SIN3B: variants seen among roughly 807,000 people sequenced by gnomAD.
SIN3B encodes the protein SIN3 transcription regulator family member B.
A neutral mutation model predicts 120.2 loss-of-function variants in SIN3B; 19 were observed. The observed-to-expected ratio is 0.16, with a 90% CI of 0.11 to 0.23. The LOEUF is 0.23. Ranked by LOEUF, SIN3B falls within the 10% of genes least tolerant of loss-of-function variation. The pLI, the probability that SIN3B is intolerant of heterozygous loss-of-function variation, is 1.00. For synonymous variants in SIN3B, 654 were observed against 653.2 expected (o/e 1.00, Z -0.02); for missense variants, 1,073 against 1,573.0 (o/e 0.68, Z 5.38).
chr19:16,865,699 C>A, intron 11 of SIN3B, 51 bp downstream of exon 11: 1 of 936,266 alleles, frequency 1.1e-6, no homozygotes, highest in Non-Finnish European at 1.6e-6. Context: ...CCCCTTCCCT[C>A]CCCTCCCCTC....
intron 3 of SIN3B, among the ~76,000 whole-genome samples, chr19:16,832,014 T>C (rs1599585375): frequency 6.6e-6 from 1 of 152,154 alleles, no homozygotes; most frequent in East Asian, 1.9e-4. Flanking sequence ...AAGCATGTCC[T>C]CGTCTGCCTC....
rs536926619 is a variant in SIN3B at position 16,870,087 on chromosome 19, AAG to A, written c.2422+13_2422+14del. The A allele has an allele frequency of 1.9e-3, 2,967 of 1,573,748 alleles. 1 individual carries two copies. Among genetic ancestry groups the A allele is most frequent in the Non-Finnish European group, 2.2e-3 (2,598 of 1,158,432 alleles). ...GCTGAAGCAGCCCAGTAAGGCTCCA[AAG>A]CCTGCCGGGAGGCCCCGGGGGGTGC... On this transcript the variant is annotated intron_variant, in intron 13 of 18. Transcript: ENST00000248054.
intron 8 of SIN3B, among the ~76,000 whole-genome samples, chr19:16,856,395 C>T (rs1009133498): frequency 6.6e-6 from 1 of 152,084 alleles, no homozygotes; most frequent in African/African-American, 2.4e-5. Flanking sequence ...AGTAAATGTA[C>T]CGACCTATGT....
Position 16,878,758 on chromosome 19 carries a change from C to A in SIN3B, c.*31C>A. 1.3e-6 allele frequency: 2 copies of A among 1,547,310 alleles called. No homozygotes were observed. ...CCTCATGGGCACCGGGCAGGCGCCTCACAGAGCACAGACGTGCCCTCGGCC... is the reference window on the plus strand; with the variant it reads ...CCTCATGGGCACCGGGCAGGCGCCTAACAGAGCACAGACGTGCCCTCGGCC... On this transcript the variant is annotated 3_prime_UTR_variant, in exon 19 of 19. Coordinates refer to ENST00000248054, the MANE Select transcript of SIN3B (RefSeq NM_001297595.2).
chr19:16,831,479 C>T lies in SIN3B; in HGVS notation c.228-15C>T, dbSNP rs558546247. 5.1e-5 allele frequency: 82 copies of T among 1,611,220 alleles called. 1 individual carries two copies. The South Asian group carries it at 7.8e-4, about 15-fold the overall frequency. ...TTCCCAAGACCCTTTTGCCCACTTC[C>T]GTTGTTTCTTCTAGCATCGATACTC... On this transcript the variant is annotated splice_polypyrimidine_tract_variant and intron_variant, in intron 2 of 18. Coordinates refer to ENST00000248054, the MANE Select transcript of SIN3B (RefSeq NM_001297595.2).
intron 3 of SIN3B, among the ~76,000 whole-genome samples, chr19:16,840,809 G>A (rs1971407795): frequency 6.6e-6 from 1 of 152,202 alleles, no homozygotes; most frequent in African/African-American, 2.4e-5. Context: ...CACCCTCGTG[G>A]AGTTCGCCAT....
chr19:16,840,440 TGGCCTCCA>T (rs1246307965), intron 3 of SIN3B, among the ~76,000 whole-genome samples: 5 of 152,236 alleles, frequency 3.3e-5, no homozygotes, highest in Non-Finnish European at 7.3e-5. Context: ...CTTGGCCTCC[TGGCCTCCA>T]GGCCTCCAGA....
At chr19:16,875,373 TTGGTC>T (rs2051580521) in intron 14 of SIN3B, among the ~76,000 whole-genome samples, 2 of 131,814 alleles carry the variant, frequency 1.5e-5, no homozygotes, top group African/African-American at 3.0e-5. Context: ...CTGGTCTGGT[TTGGTC>T]TGGTCTGGTC....
intron 3 of SIN3B, among the ~76,000 whole-genome samples, chr19:16,834,898 ATTCT>A (rs941356000): frequency 1.2e-4 from 18 of 149,916 alleles, no homozygotes; most frequent in South Asian, 2.1e-4. Flanking sequence ...CCCTGGTGAT[ATTCT>A]TTCTTTCTTT....
chr19:16,867,174 G>A (rs975528711), intron 12 of SIN3B, among the ~76,000 whole-genome samples: 10 of 152,198 alleles, frequency 6.6e-5, no homozygotes, highest in African/African-American at 2.4e-4. Flanking sequence ...AGGCACCGGT[G>A]TTAGCAACAC....
Position 16,876,314 on chromosome 19 carries a change from C to T in SIN3B, c.2766+86C>T. 1 of 1,490,772 alleles carries T rather than the reference C, an allele frequency of 6.7e-7. No homozygotes were observed. The highest frequency in any genetic ancestry group is 2.3e-5 in the East Asian group (1 of 43,518). 92.3% of individuals were successfully genotyped at this position (1,490,772 alleles called of 1,614,324 possible). A position where few individuals can be genotyped will look rare whatever the true frequency, so the allele number is the denominator to read the frequency against. ...ACTCAGTCCTGGGTGGACCCTGGTTCAGCGGCTGGGACACCGGCCCTGCTG... is the reference window on the plus strand; with the variant it reads ...ACTCAGTCCTGGGTGGACCCTGGTTTAGCGGCTGGGACACCGGCCCTGCTG... On this transcript the variant is annotated intron_variant, in intron 15 of 18. Coordinates refer to ENST00000248054, the MANE Select transcript of SIN3B (RefSeq NM_001297595.2). This position sits in a 1 kb window ranked among gnomAD's most constrained non-coding sequence, Gnocchi z 7.1.
Position 16,853,112 on chromosome 19 carries a change from C to T in SIN3B, c.893C>T (p.Ala298Val). The change falls in exon 7 of 19, where the codon GCA (alanine) becomes GTA (valine). Residue 298 changes from alanine (A) to valine (V), a missense_variant. This residue lies in a region of SIN3B where 395 missense variants were observed against 528.0 expected (regional missense o/e 0.75). Coordinates refer to ENST00000248054, the MANE Select transcript of SIN3B (RefSeq NM_001297595.2). The part of the protein sequence containing the change: ...LRGTKDLSIA[A>V]VGKYGTLQEF... ...GGTACCAAAGACCTGTCCATCGCTG[C>T]AGTGGGGAAGTACGGGACTCTGCAG... 1.2e-6 allele frequency: 2 copies of T among 1,614,234 alleles called. No individual in the cohort carries two copies. The highest frequency in any genetic ancestry group is 1.7e-6 in the Non-Finnish European group (2 of 1,180,038).
At chr19:16,865,678 C>A (rs1315363761) in intron 11 of SIN3B, 30 bp downstream of exon 11, 1 of 1,432,938 alleles carries the variant, frequency 7.0e-7, no homozygotes, top group Non-Finnish European at 9.6e-7. Flanking sequence ...CTTCCCTTCC[C>A]CTTCCCCTTC....
intron 14 of SIN3B, among the ~76,000 whole-genome samples, chr19:16,873,226 G>A (rs1212960425): frequency 2.0e-5 from 3 of 152,114 alleles, no homozygotes; most frequent in South Asian, 2.1e-4. Flanking sequence ...AGCTATCCAC[G>A]GTGTTTGCGC....
At chr19:16,874,542 C>CTGGTT (rs1365502085) in intron 14 of SIN3B, among the ~76,000 whole-genome samples, 1 of 147,150 alleles carries the variant, frequency 6.8e-6, no homozygotes, top group Non-Finnish European at 1.5e-5. Context: ...CTGGTCTGGT[C>CTGGTT]TGGTTTGGTT....
chr19:16,874,081 G>C (rs1339812750), intron 14 of SIN3B, among the ~76,000 whole-genome samples: 1 of 152,222 alleles, frequency 6.6e-6, no homozygotes, highest in Non-Finnish European at 1.5e-5. Flanking sequence ...TCTGCCCCAC[G>C]ATCCCTGCTG....
Position 16,846,465 on chromosome 19 carries a change from A to G in SIN3B, c.583-505A>G, listed in dbSNP as rs554218680. ...TGATACGGACGTATTTCTAACAGCCACGGCGGTTTTGCTGGCCCGTTCCTG... is the reference window on the plus strand; with the variant it reads ...TGATACGGACGTATTTCTAACAGCCGCGGCGGTTTTGCTGGCCCGTTCCTG... On this transcript the variant is annotated intron_variant, in intron 4 of 18. Coordinates refer to ENST00000248054, the MANE Select transcript of SIN3B (RefSeq NM_001297595.2). 184 of 152,876 alleles carry G rather than the reference A, an allele frequency of 1.2e-3. 2 individuals are homozygous for G. Among genetic ancestry groups the G allele is most frequent in the Middle Eastern group, 6.8e-3 (2 of 296 alleles). 9.5% of individuals were successfully genotyped at this position (152,876 alleles called of 1,614,324 possible). A position where few individuals can be genotyped will look rare whatever the true frequency, so the allele number is the denominator to read the frequency against.
intron 10 of SIN3B, 170 bp from the exon 11 acceptor site, chr19:16,865,240 G>A (rs1188476517): frequency 1.7e-6 from 1 of 595,220 alleles, no homozygotes. Context: ...GCTGCAGTGA[G>A]CTTTGATTGT....
Position 16,870,008 on chromosome 19 carries a change from G to A in SIN3B, c.2355G>A (p.Lys785=). 6.2e-7 allele frequency: 1 copy of A among 1,613,620 alleles called. No homozygotes were observed. The highest frequency in any genetic ancestry group is 8.5e-7 in the Non-Finnish European group (1 of 1,179,896). ...ATCGGACCGAGAAGGAGCGGGAGAAGCTGCTGTGTGAGGGCCGCAGGGAGA... is the reference window on the plus strand; with the variant it reads ...ATCGGACCGAGAAGGAGCGGGAGAAACTGCTGTGTGAGGGCCGCAGGGAGA... ...LEYRTEKERE[K]LLCEGRREKG... Residue 785 remains lysine (K), a synonymous_variant, in exon 13 of 19, where the codon AAG becomes AAA. Transcript: ENST00000248054.
Sources: gnomAD v4.1 joint callset for allele counts (sites outside exome capture counted in the v4.1 genomes callset) on GRCh38, gnomAD v4.1.1 for gene constraint, gnomAD v4.1.1 regional missense constraint, Gnocchi (gnomAD v3.1) non-coding constraint, MANE v1.5 for transcripts, NCBI Gene and HGNC (gene_info 2026-07-23, HGNC 2026-07-21) for gene names.